CCDC91: variants seen among roughly 807,000 people sequenced by gnomAD.
CCDC91 encodes the protein coiled-coil domain containing 91.
Under a neutral mutation model 63.2 loss-of-function variants are expected in CCDC91, and 48 were observed. That is an observed-to-expected ratio of 0.76 (90% CI 0.60 to 0.97). CCDC91 has a LOEUF of 0.97. Ranked by LOEUF, CCDC91 falls within the 50% of genes least tolerant of loss-of-function variation. The pLI, the probability that CCDC91 is intolerant of heterozygous loss-of-function variation, is 0.00. For synonymous variants in CCDC91, 167 were observed against 165.8 expected (o/e 1.01, Z -0.06); for missense variants, 500 against 494.6 (o/e 1.01, Z -0.10).
At chr12:28,504,122 T>C (rs1938390863) in intron 12 of CCDC91, among the ~76,000 whole-genome samples, 1 of 140,918 alleles carries the variant, frequency 7.1e-6, no homozygotes. Flanking sequence ...AGACTCCAAC[T>C]CCAAAAAAAA....
At chr12:28,494,026 C>G (rs1952152789) in intron 12 of CCDC91, among the ~76,000 whole-genome samples, 1 of 151,662 alleles carries the variant, frequency 6.6e-6, no homozygotes, top group Non-Finnish European at 1.5e-5. Flanking sequence ...TTTTCACAGC[C>G]AAATATACAA....
At chr12:28,194,589 G>C (rs552484687) in intron 1 of CCDC91, among the ~76,000 whole-genome samples, 1 of 152,004 alleles carries the variant, frequency 6.6e-6, no homozygotes, top group Non-Finnish European at 1.5e-5. Context: ...ATTCCTCCTG[G>C]TGGGTTTGTG....
intron 7 of CCDC91, among the ~76,000 whole-genome samples, chr12:28,385,753 G>T (rs1945559158): frequency 6.6e-6 from 1 of 152,106 alleles, no homozygotes; most frequent in African/African-American, 2.4e-5. Context: ...GATGAGGCTG[G>T]AATCAGATCT....
intron 11 of CCDC91, among the ~76,000 whole-genome samples, chr12:28,454,396 A>G (rs1354598777): frequency 2.6e-5 from 4 of 152,132 alleles, no homozygotes; most frequent in African/African-American, 4.8e-5. Flanking sequence ...GGCACCGCAT[A>G]GCTGTCTATA....
At chr12:28,234,447 C>G (rs1944801361) in intron 1 of CCDC91, among the ~76,000 whole-genome samples, 1 of 152,080 alleles carries the variant, frequency 6.6e-6, no homozygotes. Context: ...AAATAGTCAA[C>G]TTTTTCATGG....
chr12:28,412,992 G>T, intron 8 of CCDC91: 1 of 253,536 alleles, frequency 3.9e-6, no homozygotes, highest in Non-Finnish European at 8.0e-6. Flanking sequence ...TGGTACCAGT[G>T]GAATCTATAT....
chr12:28,375,320 T>G (rs1190773734), intron 7 of CCDC91, among the ~76,000 whole-genome samples: 1 of 151,898 alleles, frequency 6.6e-6, no homozygotes, highest in East Asian at 1.9e-4. Context: ...TTTTTTAGTG[T>G]AGCAATTGCA....
intron 7 of CCDC91, among the ~76,000 whole-genome samples, chr12:28,376,169 C>A (rs1944931613): frequency 6.6e-6 from 1 of 151,736 alleles, no homozygotes; most frequent in Non-Finnish European, 1.5e-5. Context: ...GAATTATTAA[C>A]CATTGTCCTA....
intron 7 of CCDC91, among the ~76,000 whole-genome samples, chr12:28,381,560 G>A (rs531995156): frequency 2.0e-5 from 3 of 151,790 alleles, no homozygotes; most frequent in Non-Finnish European, 2.9e-5. Flanking sequence ...TCTGATTTTC[G>A]GTAATTTGAC....
chr12:28,371,463 T>C (rs1452395174), intron 7 of CCDC91, among the ~76,000 whole-genome samples: 1 of 152,216 alleles, frequency 6.6e-6, no homozygotes, highest in Non-Finnish European at 1.5e-5. Context: ...CGTTTCCTGG[T>C]GCCAAAAAGG....
intron 6 of CCDC91, among the ~76,000 whole-genome samples, chr12:28,332,441 A>G (rs1425966878): frequency 2.0e-5 from 3 of 152,234 alleles, no homozygotes; most frequent in South Asian, 2.1e-4. Context: ...ACCTAAAAAT[A>G]TGATAGCTTT....
chr12:28,330,288 A>G (rs1941391132), intron 6 of CCDC91, among the ~76,000 whole-genome samples: 2 of 152,030 alleles, frequency 1.3e-5, no homozygotes, highest in African/African-American at 2.4e-5. Context: ...TTGTTTCCTG[A>G]CTTTTTAATG....
At chr12:28,457,866 C>T (rs1330861220) in intron 11 of CCDC91, among the ~76,000 whole-genome samples, 5 of 151,984 alleles carry the variant, frequency 3.3e-5, no homozygotes, top group African/African-American at 9.7e-5. Context: ...TTGTTATTGA[C>T]ACCAAAGTAG....
At chr12:28,443,093 G>T (rs1949313021) in intron 8 of CCDC91, among the ~76,000 whole-genome samples, 1 of 150,988 alleles carries the variant, frequency 6.6e-6, no homozygotes, top group East Asian at 2.0e-4. Flanking sequence ...ATGGAAATAG[G>T]ATGTTCTCTA....
chr12:28,290,657 C>A (rs1311709787), intron 3 of CCDC91, among the ~76,000 whole-genome samples: 1 of 152,114 alleles, frequency 6.6e-6, no homozygotes. Context: ...ATAAAGCTTT[C>A]ATCAATGCAA....
chr12:28,439,106 G>GAAGAACAACTT (rs1949051967), intron 8 of CCDC91, among the ~76,000 whole-genome samples: 1 of 152,074 alleles, frequency 6.6e-6, no homozygotes, highest in Non-Finnish European at 1.5e-5. Context: ...ACTTAAATAG[G>GAAGAACAACTT]AAGAACAACT....
At chr12:28,502,682 A>G (rs931450550) in intron 12 of CCDC91, among the ~76,000 whole-genome samples, 16 of 151,674 alleles carry the variant, frequency 1.1e-4, no homozygotes, top group African/African-American at 3.9e-4. Flanking sequence ...ACTTCAAACT[A>G]TACTACAAGG....
intron 1 of CCDC91, among the ~76,000 whole-genome samples, chr12:28,238,906 G>A (rs1238464394): frequency 6.6e-6 from 1 of 152,016 alleles, no homozygotes; most frequent in African/African-American, 2.4e-5. Flanking sequence ...GATCACCTGA[G>A]GTCAGAAGTT....
chr12:28,282,556 T>C, intron 3 of CCDC91, among the ~76,000 whole-genome samples: 1 of 152,298 alleles, frequency 6.6e-6, no homozygotes, highest in South Asian at 2.1e-4. Flanking sequence ...TTGTGAATTG[T>C]GCTGTGATAA....
Sources: gnomAD v4.1 joint callset for allele counts (sites outside exome capture counted in the v4.1 genomes callset) on GRCh38, gnomAD v4.1.1 for gene constraint, MANE v1.5 for transcripts, NCBI Gene and HGNC (gene_info 2026-07-23, HGNC 2026-07-21) for gene names.